Variants in RAD54L2 observed in about 807,000 individuals in gnomAD.
The protein encoded by RAD54L2 is helicase ARIP4.
Under a neutral mutation model 138.4 loss-of-function variants are expected in RAD54L2, and 27 were observed. The ratio of observed to expected loss-of-function variants is 0.20; its 90% CI spans 0.14 to 0.27. The LOEUF (loss-of-function observed/expected upper bound fraction) is 0.27, where lower values mean the gene tolerates loss of function less well. Ranked by LOEUF, RAD54L2 falls within the 10% of genes least tolerant of loss-of-function variation. The probability of loss-of-function intolerance (pLI) is 1.00; values close to 1 mark genes in which losing one functional copy is unlikely to be tolerated. For missense variants in RAD54L2, 1,396 were observed against 1,890.2 expected (o/e 0.74, Z 4.85); for synonymous variants, 644 against 723.2 (o/e 0.89, Z 1.76).
chr3:51,657,914 G>A (rs1238067152), intron 21 of RAD54L2, among the ~76,000 whole-genome samples: 5 of 125,730 alleles, frequency 4.0e-5, no homozygotes, highest in African/African-American at 1.5e-4. Flanking sequence ...CTATCTTGCT[G>A]TCTTTTTTTT....
rs1185782367 is a variant in RAD54L2 at position 51,664,622 on chromosome 3, C to T, written c.*1202C>T. 1.3e-5 allele frequency: 2 copies of T among 152,078 alleles called. No homozygotes were observed. Among genetic ancestry groups the T allele is most frequent in the Non-Finnish European group, 2.9e-5 (2 of 68,032 alleles). 9.4% of individuals were successfully genotyped at this position (152,078 alleles called of 1,614,324 possible). Reference sequence around the variant, plus strand: ...TTTTAAGATATCCCAGACCCTATAGCCACTGGTGAAAAACAATCCTGGATG... The same window carrying T: ...TTTTAAGATATCCCAGACCCTATAGTCACTGGTGAAAAACAATCCTGGATG... On this transcript the variant is annotated 3_prime_UTR_variant, in exon 23 of 23. Coordinates refer to ENST00000684192, the MANE Select transcript of RAD54L2 (RefSeq NM_015106.4).
chr3:51,658,934 A>G (rs1701679130), intron 21 of RAD54L2, among the ~76,000 whole-genome samples: 1 of 152,022 alleles, frequency 6.6e-6, no homozygotes, highest in Non-Finnish European at 1.5e-5. Context: ...CAAAAGAGTA[A>G]TATTTTGTGA....
chr3:51,600,993 C>T (rs944656955), intron 3 of RAD54L2, among the ~76,000 whole-genome samples: 1 of 151,922 alleles, frequency 6.6e-6, no homozygotes, highest in Middle Eastern at 3.2e-3. Flanking sequence ...ACAAAACCCA[C>T]CTATTTTGAG....
chr3:51,608,533 C>G (rs1317986262), intron 3 of RAD54L2, among the ~76,000 whole-genome samples: 1 of 152,186 alleles, frequency 6.6e-6, no homozygotes, highest in Non-Finnish European at 1.5e-5. Flanking sequence ...CCAGCCTGGG[C>G]AACGTTGAGC....
intron 2 of RAD54L2, among the ~76,000 whole-genome samples, chr3:51,553,345 G>A (rs750149527): frequency 6.6e-6 from 1 of 152,154 alleles, no homozygotes; most frequent in Non-Finnish European, 1.5e-5. Flanking sequence ...CAAAGTGCTG[G>A]GATTACAGGC....
intron 3 of RAD54L2, among the ~76,000 whole-genome samples, chr3:51,596,379 A>G (rs1219411666): frequency 1.3e-5 from 2 of 151,894 alleles, no homozygotes; most frequent in African/African-American, 4.8e-5. Context: ...TCTCCAAAGT[A>G]GTTTCTTGTC....
chr3:51,586,594 G>A (rs1221995458), intron 2 of RAD54L2, among the ~76,000 whole-genome samples: 2 of 147,304 alleles, frequency 1.4e-5, no homozygotes, highest in African/African-American at 2.5e-5. Flanking sequence ...TTGAGATGGA[G>A]TTTCACTCTT....
rs937188545 is a variant in RAD54L2 at position 51,538,933 on chromosome 3, G to A, written c.-117+18G>A. 1.3e-5 allele frequency among the ~76,000 whole-genome samples: 2 copies of A among 152,170 alleles called. No homozygotes were observed. The highest frequency in any genetic ancestry group is 1.5e-5 in the Non-Finnish European group (1 of 68,006). On this transcript the variant is annotated intron_variant, in intron 1 of 22. Coordinates refer to ENST00000684192, the MANE Select transcript of RAD54L2 (RefSeq NM_015106.4). ...CGCAGGAGGTGAGACGCCGGTGCCG[G>A]TTCCTCGCTCCCGGCCGGGGCCGCC...
chr3:51,573,875 C>A (rs1310608377), intron 2 of RAD54L2, among the ~76,000 whole-genome samples: 1 of 151,882 alleles, frequency 6.6e-6, no homozygotes, highest in African/African-American at 2.4e-5. Flanking sequence ...ACTTTAAGTT[C>A]TAGGGTATAT....
chr3:51,617,347 T>C (rs1700467919), intron 3 of RAD54L2, among the ~76,000 whole-genome samples: 1 of 152,264 alleles, frequency 6.6e-6, no homozygotes, highest in African/African-American at 2.4e-5. Flanking sequence ...GCCAGCAGTG[T>C]ATGAGAGTTC....
At chr3:51,570,588 C>G (rs1388151484) in intron 2 of RAD54L2, among the ~76,000 whole-genome samples, 1 of 151,866 alleles carries the variant, frequency 6.6e-6, no homozygotes, top group African/African-American at 2.4e-5. Context: ...TCCCGAGTAG[C>G]TGGGATTACA....
At chr3:51,630,064 G>C (rs992847041) in intron 5 of RAD54L2, among the ~76,000 whole-genome samples, 2 of 152,084 alleles carry the variant, frequency 1.3e-5, no homozygotes, top group African/African-American at 4.8e-5. Flanking sequence ...ACCTTTTCTG[G>C]TGGTCAGGTG....
chr3:51,578,636 G>A (rs1196956331), intron 2 of RAD54L2, among the ~76,000 whole-genome samples: 1 of 152,224 alleles, frequency 6.6e-6, no homozygotes, highest in African/African-American at 2.4e-5. Flanking sequence ...TCTACTCATC[G>A]TGGGAGGGGG....
Position 51,662,275 on chromosome 3 carries a change from G to A in RAD54L2, c.3410-151G>A. On this transcript the variant is annotated intron_variant, in intron 22 of 22. Coordinates refer to ENST00000684192, the MANE Select transcript of RAD54L2 (RefSeq NM_015106.4). This position sits in a 1 kb window ranked among gnomAD's most constrained non-coding sequence, Gnocchi z 4.6. ...GGGATCAAAGAATTTCTTTGTGACT[G>A]GAAAAGGTTGACTGGGTGATGTTGT... 1 of 648,892 alleles carries A rather than the reference G, an allele frequency of 1.5e-6. No individual in the cohort carries two copies. The highest frequency in any genetic ancestry group is 4.3e-5 in the South Asian group (1 of 23,384). The allele number at this position is 648,892 out of a possible 1,614,324, so 40.2% of individuals were successfully genotyped here.
At chr3:51,611,792 G>T (rs546658838) in intron 3 of RAD54L2, among the ~76,000 whole-genome samples, 2 of 151,970 alleles carry the variant, frequency 1.3e-5, no homozygotes, top group East Asian at 1.9e-4. Flanking sequence ...TCCTGACCTC[G>T]TGATCCACCC....
At position 51,666,089 on chromosome 3, in the gene RAD54L2, C is replaced by G. The variant is rs1194649194; in HGVS notation, c.*2669C>G. On this transcript the variant is annotated 3_prime_UTR_variant, in exon 23 of 23. Coordinates refer to ENST00000684192, the MANE Select transcript of RAD54L2 (RefSeq NM_015106.4). ...GGCTGACCTGACTAGAGAAGGCTTT[C>G]TTTTATATGTGCAGTTTCTATTGTG... 8.3e-6 allele frequency: 1 copy of G among 120,794 alleles called. No individual in the cohort carries two copies. The highest frequency in any genetic ancestry group is 3.3e-5 in the African/African-American group (1 of 30,286). The allele number at this position is 120,794 out of a possible 1,614,324, so 7.5% of individuals were successfully genotyped here.
chr3:51,581,072 G>A (rs1482617487), intron 2 of RAD54L2, among the ~76,000 whole-genome samples: 1 of 152,028 alleles, frequency 6.6e-6, no homozygotes, highest in Non-Finnish European at 1.5e-5. Flanking sequence ...ATTGAAAATC[G>A]AAAGTGACCA....
chr3:51,609,377 G>T (rs1038674024), intron 3 of RAD54L2, among the ~76,000 whole-genome samples: 1 of 152,192 alleles, frequency 6.6e-6, no homozygotes, highest in African/African-American at 2.4e-5. Flanking sequence ...CTGGGGTGTG[G>T]GAACTGGTAA....
At chr3:51,614,040 A>G (rs1700391039) in intron 3 of RAD54L2, among the ~76,000 whole-genome samples, 1 of 152,196 alleles carries the variant, frequency 6.6e-6, no homozygotes, top group Admixed American at 6.5e-5. Flanking sequence ...AAATGTTAGT[A>G]GTGCTAAGGT....
Sources: allele counts gnomAD v4.1 joint callset (sites outside exome capture counted in the v4.1 genomes callset), GRCh38; gene constraint gnomAD v4.1.1; non-coding constraint Gnocchi (gnomAD v3.1); transcripts MANE v1.5; gene names NCBI Gene and HGNC (gene_info 2026-07-23, HGNC 2026-07-21).